Variants in FUBP3 observed in about 807,000 individuals in gnomAD.
The protein encoded by FUBP3 is far upstream element binding protein 3.
Under a neutral mutation model 85.6 loss-of-function variants are expected in FUBP3, and 28 were observed. The ratio of observed to expected loss-of-function variants is 0.33; its 90% CI spans 0.24 to 0.45. The LOEUF (loss-of-function observed/expected upper bound fraction) is 0.45. Among genes scored for constraint, FUBP3 ranks in the 20% least tolerant of loss-of-function variants. FUBP3 has a pLI of 1.00. For missense variants in FUBP3, 583 were observed against 755.1 expected, an observed-to-expected ratio of 0.77 and a Z score of 2.67; for synonymous variants, 271 against 271.4, an observed-to-expected ratio of 1.00 and a Z score of 0.01.
At chr9:130,617,650 C>G in intron 7 of FUBP3, 147 bp from the exon 8 acceptor site, 1 of 689,390 alleles carries the variant, frequency 1.5e-6, no homozygotes, top group South Asian at 1.6e-5. Flanking sequence ...TCACAGAAGC[C>G]AGCTTCATGG....
At chr9:130,631,082 C>T in intron 13 of FUBP3, 1 of 1,070,314 alleles carries the variant, frequency 9.3e-7, no homozygotes. Flanking sequence ...GGCAGCCTCC[C>T]CCCACGCTGC....
intron 1 of FUBP3, among the ~76,000 whole-genome samples, chr9:130,589,693 A>T (rs1564190849): frequency 1.7e-4 from 5 of 29,830 alleles, no homozygotes; most frequent in Non-Finnish European, 1.8e-4. Context: ...ATATATATAT[A>T]TATATATATA....
At chr9:130,580,725 A>C (rs1830100382) in intron 1 of FUBP3, 1 of 152,192 alleles carries the variant, frequency 6.6e-6, no homozygotes, top group Admixed American at 6.5e-5. Context: ...TGGTCTTTAC[A>C]TCTCTTTCCA....
chr9:130,632,331 A>G, intron 16 of FUBP3, 53 bp downstream of exon 16: 3 of 1,411,372 alleles, frequency 2.1e-6, no homozygotes, highest in South Asian at 2.3e-5. Flanking sequence ...TGCGGCCCAC[A>G]GAAGTCCTGG....
Position 130,580,267 on chromosome 9 carries a change from A to C in FUBP3, c.84+503A>C, listed in dbSNP as rs140432911. ...TGGAGAGGTGAGAGAGGGAGGTGTT[A>C]CATGTGTGGGGGTGGTCCCCAAGAT... On this transcript the variant is annotated intron_variant, in intron 1 of 18. Coordinates refer to ENST00000319725, the MANE Select transcript of FUBP3 (RefSeq NM_003934.2). 3.7e-3 allele frequency among the ~76,000 whole-genome samples: 568 copies of C among 152,334 alleles called. 6 individuals carry two copies. Among genetic ancestry groups the C allele is most frequent in the African/African-American group, 0.013 (530 of 41,570 alleles).
intron 3 of FUBP3, 52 bp downstream of exon 3, chr9:130,610,039 T>C: frequency 7.6e-7 from 1 of 1,323,978 alleles, no homozygotes; most frequent in Middle Eastern, 1.8e-4. Context: ...AATTGTTTAT[T>C]GATCCACCAT....
chr9:130,596,647 C>T, intron 2 of FUBP3: 1 of 438,240 alleles, frequency 2.3e-6, no homozygotes, highest in African/African-American at 2.1e-5. Context: ...CAGGCATGAG[C>T]CACCATGCCT....
At chr9:130,609,923 G>A (rs996265243) in intron 2 of FUBP3, 31 bp from the exon 3 acceptor site, 2 of 1,568,286 alleles carry the variant, frequency 1.3e-6, no homozygotes, top group East Asian at 4.5e-5. Flanking sequence ...CTAATGCTTT[G>A]ATTTTTTTTT....
intron 1 of FUBP3, among the ~76,000 whole-genome samples, chr9:130,585,288 C>T (rs947451849): frequency 1.3e-5 from 2 of 152,194 alleles, no homozygotes; most frequent in African/African-American, 4.8e-5. Flanking sequence ...TCACACTCTC[C>T]GGGTTGTCTT....
At chr9:130,604,759 A>G (rs551920780) in intron 2 of FUBP3, among the ~76,000 whole-genome samples, 26 of 152,262 alleles carry the variant, frequency 1.7e-4, no homozygotes, top group African/African-American at 6.0e-4. Flanking sequence ...TTAGCTGGGC[A>G]TGGTGGTGCG....
chr9:130,591,679 C>T (rs900268922), intron 1 of FUBP3, among the ~76,000 whole-genome samples: 1 of 152,124 alleles, frequency 6.6e-6, no homozygotes. Context: ...AGCTGTATCC[C>T]AGCTGTTATT....
chr9:130,621,567 A>G (rs1456158111), intron 9 of FUBP3, among the ~76,000 whole-genome samples: 1 of 152,194 alleles, frequency 6.6e-6, no homozygotes, highest in African/African-American at 2.4e-5. Context: ...ATTCATTTTT[A>G]TAACCATTTT....
chr9:130,589,334 A>T (rs1057197231), intron 1 of FUBP3, among the ~76,000 whole-genome samples: 4 of 150,872 alleles, frequency 2.7e-5, no homozygotes, highest in African/African-American at 9.7e-5. Context: ...TTAAATTTAC[A>T]TTATTTATTT....
intron 6 of FUBP3, among the ~76,000 whole-genome samples, chr9:130,614,631 AACTT>A (rs1485308185): frequency 6.6e-6 from 1 of 152,162 alleles, no homozygotes; most frequent in African/African-American, 2.4e-5. Flanking sequence ...TGCTCTAATC[AACTT>A]ACTTCTTCCT....
At chr9:130,605,758 C>T (rs1361643536) in intron 2 of FUBP3, among the ~76,000 whole-genome samples, 3 of 152,126 alleles carry the variant, frequency 2.0e-5, no homozygotes, top group East Asian at 1.9e-4. Flanking sequence ...CCAAGGCAGG[C>T]GGATCACCTG....
chr9:130,636,706 C>G (rs1364264923), intron 18 of FUBP3, among the ~76,000 whole-genome samples: 1 of 152,254 alleles, frequency 6.6e-6, no homozygotes, highest in African/African-American at 2.4e-5. Flanking sequence ...GTCAGGTCCT[C>G]ATGGATAACA....
chr9:130,603,346 C>CAAAAAAAAAAAAAAA (rs1588132389), intron 2 of FUBP3, among the ~76,000 whole-genome samples: 1 of 34,888 alleles, frequency 2.9e-5, no homozygotes, highest in Admixed American at 3.3e-4. Context: ...GACTCTGTCT[C>CAAAAAAAAAAAAAAA]CAAAAAAAAA....
intron 2 of FUBP3, among the ~76,000 whole-genome samples, chr9:130,609,424 T>C (rs1263657968): frequency 8.3e-6 from 1 of 120,910 alleles, no homozygotes; most frequent in African/African-American, 3.2e-5. Context: ...CTCCTTCAGA[T>C]GCTTATGGTC....
Position 130,617,860 on chromosome 9 carries a change from C to G in FUBP3, c.631C>G (p.Pro211Ala), listed in dbSNP as rs1349376717. The change falls in exon 8 of 19, where the codon CCT becomes GCT. Residue 211 changes from proline (P) to alanine (A), a missense_variant. Coordinates refer to ENST00000319725, the MANE Select transcript of FUBP3 (RefSeq NM_003934.2). ...CCCATTGCCCACGGGAGCAGACAAGCCTCTTCGTATCACTGGAGATGCATT... is the reference window on the plus strand; with the variant it reads ...CCCATTGCCCACGGGAGCAGACAAGGCTCTTCGTATCACTGGAGATGCATT... ...DGPLPTGADK[P>A]LRITGDAFKV... is the part of the protein sequence containing the mutation. The G allele has an allele frequency of 6.2e-7, 1 of 1,605,744 alleles. No homozygotes were observed. Among genetic ancestry groups the G allele is most frequent in the South Asian group, 1.1e-5 (1 of 90,856 alleles).
Sources: allele counts gnomAD v4.1 joint callset (sites outside exome capture counted in the v4.1 genomes callset), GRCh38; gene constraint gnomAD v4.1.1; transcripts MANE v1.5; gene names NCBI Gene and HGNC (gene_info 2026-07-23, HGNC 2026-07-21).